OR4C11: variants seen among roughly 807,000 people sequenced by gnomAD.
OR4C11 encodes the protein olfactory receptor 4C11.
In OR4C11, 15 loss-of-function variants were observed where a neutral mutation model predicts 14.7. That is an observed-to-expected ratio of 1.02 (90% CI 0.68 to 1.58). The LOEUF (loss-of-function observed/expected upper bound fraction) is 1.58, where lower values mean the gene tolerates loss of function less well. OR4C11 is among the 40% of genes most tolerant of loss of function. The probability of loss-of-function intolerance (pLI) is 0.00; values close to 1 mark genes in which losing one functional copy is unlikely to be tolerated. For synonymous variants in OR4C11, 146 were observed against 135.0 expected, an observed-to-expected ratio of 1.08 and a Z score of -0.57; for missense variants, 473 against 383.0, an observed-to-expected ratio of 1.24 and a Z score of -1.96.
rs781645115 is a variant in OR4C11 at position 55,604,082 on chromosome 11, G to T, written c.292C>A (p.Gln98Lys). 2.7e-6 allele frequency: 4 copies of T among 1,485,400 alleles called. 1 individual carries two copies. Among genetic ancestry groups the T allele is most frequent in the South Asian group, 1.2e-5 (1 of 84,784 alleles). 92.0% of individuals were successfully genotyped at this position (1,485,400 alleles called of 1,614,324 possible). Residue 98 changes from glutamine to lysine, a missense_variant, in exon 4 of 4, where the codon CAA (glutamine) becomes AAA (lysine). Gln to Lys is a moderately conservative substitution (Grantham distance 53). Coordinates refer to ENST00000641580, the MANE Select transcript of OR4C11 (RefSeq NM_001004700.3). ...CCAAATAAATGTAGTGCAAAGACTT[G>T]TGTCATGCACTCATTGTAGGTTATA... ...KIITYNECMT[Q>K]VFALHLFGCM...
chr11:55,603,256 T>C lies in OR4C11; in HGVS notation c.*185A>G, dbSNP rs1331654904. ...CTGAATTAATCTATATTCTACCTAG[T>C]TCTGGCACAAAAGACAATGTCTTGG... On this transcript the variant is annotated 3_prime_UTR_variant, in exon 4 of 4. Coordinates refer to ENST00000641580, the MANE Select transcript of OR4C11 (RefSeq NM_001004700.3). 1 of 453,618 alleles carries C rather than the reference T, an allele frequency of 2.2e-6. No homozygotes were observed. The highest frequency in any genetic ancestry group is 3.9e-6 in the Non-Finnish European group (1 of 259,284). 28.1% of individuals were successfully genotyped at this position (453,618 alleles called of 1,614,324 possible). A position where few individuals can be genotyped will look rare whatever the true frequency, so the allele number is the denominator to read the frequency against.
At chr11:55,605,595 G>A (rs1450211375) in intron 2 of OR4C11, among the ~76,000 whole-genome samples, 1 of 138,116 alleles carries the variant, frequency 7.2e-6, no homozygotes, top group Non-Finnish European at 1.6e-5. Context: ...AAAATTAAAA[G>A]GGAAGTGTCA....
At chr11:55,604,440 G>A (rs491375) in intron 3 of OR4C11, 23 bp from the exon 4 acceptor site, 47,520 of 680,996 alleles carry the variant, frequency 0.07, 7,564 homozygotes, top group African/African-American at 0.1. Context: ...AAAAGAAATA[G>A]ATTCTAAATT....
Position 55,604,194 on chromosome 11 carries a change from A to G in OR4C11, c.180T>C (p.Phe60=), listed in dbSNP as rs1565064669. ...SRTLGSPMYF[F]LFYLSFADSC... is the part of the protein sequence containing the mutation. Reference sequence around the variant, plus strand: ...AATCTGCAAAGGACAAATAAAATAGAAAGAAGTACATGGGGCTTCCTAGTG... The same window carrying G: ...AATCTGCAAAGGACAAATAAAATAGGAAGAAGTACATGGGGCTTCCTAGTG... Residue 60 remains phenylalanine (F), a synonymous_variant, in exon 4 of 4, where the codon TTT becomes TTC. Transcript: ENST00000641580. 1 of 1,480,726 alleles carries G rather than the reference A, an allele frequency of 6.8e-7. No homozygotes were observed. Among genetic ancestry groups the G allele is most frequent in the African/African-American group, 1.4e-5 (1 of 72,632 alleles). The allele number at this position is 1,480,726 out of a possible 1,614,324, so 91.7% of individuals were successfully genotyped here. A position where few individuals can be genotyped will look rare whatever the true frequency, so the allele number is the denominator to read the frequency against.
chr11:55,604,110 T>G lies in OR4C11; in HGVS notation c.264A>C (p.Lys88Asn). The part of the protein sequence containing the change: ...RLIVDALSEK[K>N]IITYNECMTQ... ...TCATGCACTCATTGTAGGTTATAAT[T>G]TTCTTTTCAGAGAGAGCATCCACAA... The change falls in exon 4 of 4, where the codon AAA (lysine) becomes AAC (asparagine). Residue 88 changes from lysine to asparagine, a missense_variant. Physicochemically the swap from Lys to Asn is moderately conservative, Grantham distance 94. Coordinates refer to ENST00000641580, the MANE Select transcript of OR4C11 (RefSeq NM_001004700.3). 1 of 1,483,626 alleles carries G rather than the reference T, an allele frequency of 6.7e-7. No homozygotes were observed. Among genetic ancestry groups the G allele is most frequent in the Non-Finnish European group, 9.2e-7 (1 of 1,090,926 alleles). The allele number at this position is 1,483,626 out of a possible 1,614,324, so 91.9% of individuals were successfully genotyped here.
intron 3 of OR4C11, among the ~76,000 whole-genome samples, chr11:55,604,689 A>C (rs1198569833): frequency 7.2e-6 from 1 of 138,462 alleles, no homozygotes. Flanking sequence ...AAAATAACTT[A>C]AAAGCAAATG....
chr11:55,604,115 T>A lies in OR4C11; in HGVS notation c.259A>T (p.Lys87Ter). 1.4e-6 allele frequency: 2 copies of A among 1,481,334 alleles called. 1 individual carries two copies. 91.8% of individuals were successfully genotyped at this position (1,481,334 alleles called of 1,614,324 possible). A position where few individuals can be genotyped will look rare whatever the true frequency, so the allele number is the denominator to read the frequency against. ...CACTCATTGTAGGTTATAATTTTCT[T>A]TTCAGAGAGAGCATCCACAATTAAT... Reference protein sequence around the residue: ...PRLIVDALSEKKIITYNECMT... With the variant: ...PRLIVDALSE Residue 87 changes from lysine to a stop codon, truncating the protein, a stop_gained, in exon 4 of 4, where the codon AAG becomes TAG. Coordinates refer to ENST00000641580, the MANE Select transcript of OR4C11 (RefSeq NM_001004700.3). LOFTEE classifies it high-confidence loss of function.
rs2120125757 is a variant in OR4C11, at chr11:55,606,464, G to A, written c.-207+58C>T. On this transcript the variant is annotated intron_variant, in intron 2 of 3. Transcript: ENST00000641580. ...ACATTAAAAAATATTCACTTTGGTA[G>A]TATTTGACAATGTGTCATAATAATG... The A allele has an allele frequency of 1.4e-5, 2 of 138,554 alleles. 1 individual carries two copies. Among genetic ancestry groups the A allele is most frequent in the Admixed American group, 1.6e-4 (2 of 12,696 alleles). The allele number at this position is 138,554 out of a possible 1,614,324, so 8.6% of individuals were successfully genotyped here. A position where few individuals can be genotyped will look rare whatever the true frequency, so the allele number is the denominator to read the frequency against.
In OR4C11 at chr11:55,605,958, T is replaced by C. The variant is rs1368050400; in HGVS notation, c.-207+564A>G. Among the ~76,000 whole-genome samples, 36 of 138,594 alleles carry C rather than the reference T, an allele frequency of 2.6e-4. 6 individuals are homozygous for C. The highest frequency in any genetic ancestry group is 9.0e-4 in the African/African-American group (36 of 39,954). 90.9% of individuals were successfully genotyped at this position (138,594 alleles called of 152,430 possible). A position where few individuals can be genotyped will look rare whatever the true frequency, so the allele number is the denominator to read the frequency against. The stretch of plus-strand genomic sequence containing the variant: ...GGGAATGTAAGTGGGTGCAACCTTC[T>C]AGAAAGTGACTTCAGTATCTATTAT... On this transcript the variant is annotated intron_variant, in intron 2 of 3. Transcript: ENST00000641580.
intron 3 of OR4C11, 87 bp from the exon 4 acceptor site, chr11:55,604,504 T>A (rs1349377567): frequency 2.4e-6 from 1 of 424,116 alleles, no homozygotes; most frequent in South Asian, 5.0e-5. Context: ...AATGGCTTAT[T>A]ATTGACAATT....
At position 55,603,231 on chromosome 11, in the gene OR4C11, C is replaced by G. The variant is rs1435550214; in HGVS notation, c.*210G>C. The stretch of plus-strand genomic sequence containing the variant: ...GAAAAGACTACTGGTAGGTAATCAC[C>G]TGAATTAATCTATATTCTACCTAGT... On this transcript the variant is annotated 3_prime_UTR_variant, in exon 4 of 4. Transcript: ENST00000641580. 1.8e-5 allele frequency: 7 copies of G among 386,072 alleles called. 2 individuals carry two copies. The East Asian group carries it at 3.3e-4, about 18-fold the overall frequency. 23.9% of individuals were successfully genotyped at this position (386,072 alleles called of 1,614,324 possible).
At position 55,604,478 on chromosome 11, in the gene OR4C11, G is replaced by A. The variant is rs1857935417; in HGVS notation, c.-44-61C>T. On this transcript the variant is annotated intron_variant, in intron 3 of 3. Transcript: ENST00000641580. ...GAGGTCAAATACATATTCTTGCAAT[G>A]AAATTGCAACTTTCCAATGGCTTAT... 3.5e-5 allele frequency: 17 copies of A among 485,742 alleles called. 3 individuals carry two copies. In the South Asian group the frequency reaches 6.3e-4, roughly 18 times the overall value. The allele number at this position is 485,742 out of a possible 1,614,324, so 30.1% of individuals were successfully genotyped here.
chr11:55,603,428 T>A lies in OR4C11; in HGVS notation c.*13A>T. ...TGATTTGACTGAAAAAGTAATCAGG[T>A]CAGGCCCTCAATTTATCCTTTGTTT... On this transcript the variant is annotated 3_prime_UTR_variant, in exon 4 of 4. Transcript: ENST00000641580. 7.8e-7 allele frequency: 1 copy of A among 1,275,930 alleles called. No individual in the cohort carries two copies. The highest frequency in any genetic ancestry group is 1.1e-6 in the Non-Finnish European group (1 of 924,398). 79.0% of individuals were successfully genotyped at this position (1,275,930 alleles called of 1,614,324 possible). A position where few individuals can be genotyped will look rare whatever the true frequency, so the allele number is the denominator to read the frequency against.
rs904836658 is a variant in OR4C11, at chr11:55,605,141, A to T, written c.-60T>A. 9 of 138,734 alleles carry T rather than the reference A, an allele frequency of 6.5e-5. 1 individual carries two copies. Among genetic ancestry groups the T allele is most frequent in the African/African-American group, 2.2e-4 (9 of 40,048 alleles). The allele number at this position is 138,734 out of a possible 1,614,324, so 8.6% of individuals were successfully genotyped here. A position where few individuals can be genotyped will look rare whatever the true frequency, so the allele number is the denominator to read the frequency against. ...TTTAATTTACCTCTGAAAATTTTCT[A>T]ATTATTTTCAGTTCCAAATTCATCC... On this transcript the variant is annotated 5_prime_UTR_variant, in exon 3 of 4. Transcript: ENST00000641580.
Position 55,603,384 on chromosome 11 carries a change from T to C in OR4C11, c.*57A>G. On this transcript the variant is annotated 3_prime_UTR_variant, in exon 4 of 4. Coordinates refer to ENST00000641580, the MANE Select transcript of OR4C11 (RefSeq NM_001004700.3). ...CAGGTACTTTCCTATTTGCTGTCTA[T>C]ACTTACTCTGTTAAATCATGATTTG... 3.4e-6 allele frequency: 3 copies of C among 876,246 alleles called. No homozygotes were observed. Among genetic ancestry groups the C allele is most frequent in the South Asian group, 3.6e-5 (2 of 55,874 alleles). 54.3% of individuals were successfully genotyped at this position (876,246 alleles called of 1,614,324 possible). A position where few individuals can be genotyped will look rare whatever the true frequency, so the allele number is the denominator to read the frequency against.
rs962955290 is a variant in OR4C11 at position 55,603,567 on chromosome 11, C to T, written c.807G>A (p.Val269=). 1.4e-6 allele frequency: 2 copies of T among 1,472,176 alleles called. 1 individual carries two copies. The highest frequency in any genetic ancestry group is 1.9e-6 in the Non-Finnish European group (2 of 1,079,252). 91.2% of individuals were successfully genotyped at this position (1,472,176 alleles called of 1,614,324 possible). A position where few individuals can be genotyped will look rare whatever the true frequency, so the allele number is the denominator to read the frequency against. The change falls in exon 4 of 4, where the codon GTG becomes GTA. Residue 269 remains valine, a synonymous_variant. Coordinates refer to ENST00000641580, the MANE Select transcript of OR4C11 (RefSeq NM_001004700.3). The part of the protein sequence containing the change: ...PPTTFPMDKM[V]AVFYTIGTPF... ...GTGTTCCAATAGTATAAAATACTGC[C>T]ACCATCTTGTCCATGGGGAAAGTGG...
chr11:55,604,834 A>C (rs546673055), intron 3 of OR4C11, among the ~76,000 whole-genome samples: 1 of 138,498 alleles, frequency 7.2e-6, no homozygotes, highest in Non-Finnish European at 1.6e-5. Context: ...ATGAAAATGT[A>C]CATGACTTAC....
Position 55,604,004 on chromosome 11 carries a change from T to C in OR4C11, c.370A>G (p.Ile124Val). The change falls in exon 4 of 4, where the codon ATC becomes GTC. Residue 124 changes from isoleucine (I) to valine (V), a missense_variant. By Grantham distance (29) the Ile-to-Val change is conservative. Coordinates refer to ENST00000641580, the MANE Select transcript of OR4C11 (RefSeq NM_001004700.3). Reference protein sequence around the residue: ...ILMAVDRYVAICKPLRYPTIM... With the variant: ...ILMAVDRYVAVCKPLRYPTIM... ...GTTGGGTAACGCAAGGGCTTACAGA[T>C]GGCCACATAGCGATCAACAGCCATG... 1 of 1,489,490 alleles carries C rather than the reference T, an allele frequency of 6.7e-7. No homozygotes were observed. Among genetic ancestry groups the C allele is most frequent in the Non-Finnish European group, 9.1e-7 (1 of 1,095,478 alleles). The allele number at this position is 1,489,490 out of a possible 1,614,324, so 92.3% of individuals were successfully genotyped here. A position where few individuals can be genotyped will look rare whatever the true frequency, so the allele number is the denominator to read the frequency against.
intron 3 of OR4C11, 105 bp downstream of exon 3, chr11:55,605,021 A>G (rs908419506): frequency 7.2e-6 from 1 of 138,622 alleles, no homozygotes; most frequent in African/African-American, 2.5e-5. Flanking sequence ...GAAAGAGACA[A>G]TAAACATAAA....
Sources: allele counts gnomAD v4.1 joint callset (sites outside exome capture counted in the v4.1 genomes callset), GRCh38; gene constraint gnomAD v4.1.1; transcripts MANE v1.5; gene names NCBI Gene and HGNC (gene_info 2026-07-23, HGNC 2026-07-21).